Variants in POC5 observed in about 807,000 individuals in gnomAD.
POC5 encodes centrosomal protein POC5.
A neutral mutation model predicts 62.9 loss-of-function variants in POC5; 48 were observed. The observed-to-expected ratio is 0.76, with a 90% CI of 0.61 to 0.97. The LOEUF (loss-of-function observed/expected upper bound fraction) is 0.97. Ranked by LOEUF, POC5 falls within the 50% of genes least tolerant of loss-of-function variation. The probability of loss-of-function intolerance (pLI) is 0.00; values close to 1 mark genes in which losing one functional copy is unlikely to be tolerated. For missense variants in POC5, 696 were observed against 679.5 expected, an observed-to-expected ratio of 1.02 and a Z score of -0.27; for synonymous variants, 236 against 228.2, an observed-to-expected ratio of 1.03 and a Z score of -0.31.
intron 5 of POC5, among the ~76,000 whole-genome samples, chr5:75,699,731 G>C (rs1032961430): frequency 4.1e-5 from 6 of 147,010 alleles, no homozygotes; most frequent in African/African-American, 1.5e-4. Context: ...AATCAGGCAG[G>C]AGAAGGAAAT....
Position 75,690,646 on chromosome 5 carries a change from A to G in POC5, c.796-84T>C. 1.8e-6 allele frequency: 2 copies of G among 1,084,926 alleles called. 1 individual carries two copies. Among genetic ancestry groups the G allele is most frequent in the South Asian group, 3.2e-5 (2 of 61,906 alleles). 67.2% of individuals were successfully genotyped at this position (1,084,926 alleles called of 1,614,324 possible). Reference sequence around the variant, plus strand: ...TAATAATAAACATAACATGGTGGTAAGTGTACATATACACATTATTTAATT... The same window carrying G: ...TAATAATAAACATAACATGGTGGTAGGTGTACATATACACATTATTTAATT... On this transcript the variant is annotated intron_variant, in intron 7 of 11. Transcript: ENST00000428202.
At position 75,694,657 on chromosome 5, in the gene POC5, C is replaced by T; in HGVS notation, c.688G>A (p.Glu230Lys). Residue 230 changes from glutamate to lysine, a missense_variant and splice_region_variant, in exon 6 of 12, where the codon GAG becomes AAG. Physicochemically the swap from Glu to Lys is moderately conservative, Grantham distance 56. Coordinates refer to ENST00000428202, the MANE Select transcript of POC5 (RefSeq NM_001099271.2). ...TFEISIGRKD[E>K]VISSLSHAIG... ...AAAAGAAATATAAAAAAGAAGACCT[C>T]ATCTTTTCTCCCAATGGAGATTTCA... 6.6e-7 allele frequency: 1 copy of T among 1,514,852 alleles called. No individual in the cohort carries two copies. The allele number at this position is 1,514,852 out of a possible 1,614,324, so 93.8% of individuals were successfully genotyped here.
At position 75,690,380 on chromosome 5, in the gene POC5, T is replaced by G; in HGVS notation, c.975+3A>C. ...AAAGTGAAAACCAGAAAAAGATGCT[T>G]ACCATAGCAACTTTGGCTTCATAAT... On this transcript the variant is annotated splice_donor_region_variant and intron_variant, in intron 8 of 11. Transcript: ENST00000428202. The G allele has an allele frequency of 1.2e-6, 2 of 1,601,862 alleles. No homozygotes were observed. The highest frequency in any genetic ancestry group is 1.7e-6 in the Non-Finnish European group (2 of 1,174,986).
intron 1 of POC5, among the ~76,000 whole-genome samples, chr5:75,714,557 T>C (rs1439868564): frequency 6.6e-6 from 1 of 151,988 alleles, no homozygotes; most frequent in Non-Finnish European, 1.5e-5. Flanking sequence ...GAGAAAATGA[T>C]CAATAATAGA....
chr5:75,713,125 T>C (rs1371219574), intron 1 of POC5, among the ~76,000 whole-genome samples, 174 bp from the exon 2 acceptor site: 1 of 152,244 alleles, frequency 6.6e-6, no homozygotes, highest in East Asian at 1.9e-4. Context: ...CAAAAAACAG[T>C]TGAAGACCCA....
chr5:75,679,427 C>A (rs1775791832), intron 10 of POC5, among the ~76,000 whole-genome samples: 1 of 152,130 alleles, frequency 6.6e-6, no homozygotes, highest in Non-Finnish European at 1.5e-5. Flanking sequence ...TAGCTACACA[C>A]AGTCACAGCT....
chr5:75,699,469 C>T (rs1166796334), intron 5 of POC5, among the ~76,000 whole-genome samples: 1 of 150,946 alleles, frequency 6.6e-6, no homozygotes, highest in Non-Finnish European at 1.5e-5. Flanking sequence ...ACAAAAACCA[C>T]ATGATTATCT....
At chr5:75,684,120 G>T (rs1389178727) in intron 10 of POC5, among the ~76,000 whole-genome samples, 1 of 151,964 alleles carries the variant, frequency 6.6e-6, no homozygotes, top group East Asian at 1.9e-4. Flanking sequence ...ACTGATTCTA[G>T]GAAAAACTAT....
intron 8 of POC5, among the ~76,000 whole-genome samples, chr5:75,690,011 G>A (rs897975393): frequency 1.3e-5 from 2 of 151,992 alleles, no homozygotes; most frequent in African/African-American, 2.4e-5. Context: ...TCAGCCTCCC[G>A]AGTAGCGGGT....
chr5:75,685,507 A>C (rs900363748), intron 9 of POC5, 23 bp from the exon 10 acceptor site: 28 of 1,587,198 alleles, frequency 1.8e-5, no homozygotes, highest in Non-Finnish European at 2.2e-5. Flanking sequence ...AATTAATTCC[A>C]TTCAAATTCT....
At chr5:75,716,391 G>T (rs112017747) in intron 1 of POC5, among the ~76,000 whole-genome samples, 4 of 86,988 alleles carry the variant, frequency 4.6e-5, no homozygotes, top group Non-Finnish European at 8.2e-5. Flanking sequence ...GGTGGGGGGG[G>T]GGGGGTGCTG....
intron 10 of POC5, among the ~76,000 whole-genome samples, chr5:75,683,728 A>G (rs1417846391): frequency 6.6e-6 from 1 of 151,170 alleles, no homozygotes; most frequent in Non-Finnish European, 1.5e-5. Flanking sequence ...AATTAGAGAC[A>G]GGGTCTTGCT....
At chr5:75,708,097 T>C (rs924770757) in intron 2 of POC5, among the ~76,000 whole-genome samples, 4 of 152,206 alleles carry the variant, frequency 2.6e-5, no homozygotes, top group African/African-American at 9.6e-5. Flanking sequence ...CAGTGACTCA[T>C]GCCTGTAAAC....
intron 1 of POC5, among the ~76,000 whole-genome samples, chr5:75,715,120 A>G (rs1777497981): frequency 6.6e-6 from 1 of 151,944 alleles, no homozygotes; most frequent in South Asian, 2.1e-4. Flanking sequence ...AGACCATACT[A>G]GCTAACACGG....
In POC5 at chr5:75,684,097, C is replaced by G. The variant is rs77876428; in HGVS notation, c.1407+1110G>C. Among the ~76,000 whole-genome samples, 961 of 152,256 alleles carry G rather than the reference C, an allele frequency of 6.3e-3. 14 individuals carry two copies. Among genetic ancestry groups the G allele is most frequent in the African/African-American group, 0.022 (922 of 41,538 alleles). On this transcript the variant is annotated intron_variant, in intron 10 of 11. Coordinates refer to ENST00000428202, the MANE Select transcript of POC5 (RefSeq NM_001099271.2). ...TTAACACTATCCTCTTGGCACTTCT[C>G]TAATAGCAGCTCACTGATTCTAGGA...
intron 6 of POC5, among the ~76,000 whole-genome samples, chr5:75,693,092 TATAAC>T: frequency 7.4e-6 from 1 of 135,620 alleles, no homozygotes; most frequent in Middle Eastern, 3.9e-3. Context: ...TAATAACATA[TATAAC>T]ATATGTCATA....
chr5:75,712,484 T>A, intron 2 of POC5: 1 of 1,554,672 alleles, frequency 6.4e-7, no homozygotes, highest in Non-Finnish European at 8.9e-7. Flanking sequence ...AATCTTGAGC[T>A]CTAGAACTTT....
chr5:75,688,920 C>A, intron 9 of POC5, 92 bp downstream of exon 9: 1 of 1,204,778 alleles, frequency 8.3e-7, no homozygotes, highest in South Asian at 2.4e-5. Context: ...ATACCTACTG[C>A]AGATTATTTG....
rs919765802 is a variant in POC5, at chr5:75,674,403, G to A, written c.*32C>T. The stretch of plus-strand genomic sequence containing the variant: ...TTCTAACCCTTGGTAAGACCAGAGG[G>A]ATTAAAAGACCCCACTATGGACATA... On this transcript the variant is annotated 3_prime_UTR_variant, in exon 12 of 12. Transcript: ENST00000428202. The A allele has an allele frequency of 6.2e-7, 1 of 1,607,098 alleles. No individual in the cohort carries two copies. The highest frequency in any genetic ancestry group is 2.2e-5 in the East Asian group (1 of 44,840).
Sources: gnomAD v4.1 joint callset for allele counts (sites outside exome capture counted in the v4.1 genomes callset) on GRCh38, gnomAD v4.1.1 for gene constraint, MANE v1.5 for transcripts, NCBI Gene and HGNC (gene_info 2026-07-23, HGNC 2026-07-21) for gene names.